UCK1: variants seen among roughly 807,000 people sequenced by gnomAD.
UCK1 encodes cytidine monophosphokinase 1.
UCK1 carries 20 observed loss-of-function variants against 34.0 expected under a neutral mutation model. The observed-to-expected ratio is 0.59, with a 90% confidence interval of 0.41 to 0.86. The LOEUF (loss-of-function observed/expected upper bound fraction) is 0.86. Among genes scored for constraint, UCK1 ranks in the 40% least tolerant of loss-of-function variants. The pLI is 0.00. For synonymous variants in UCK1, 168 were observed against 155.9 expected (o/e 1.08, Z -0.58); for missense variants, 343 against 383.6 (o/e 0.89, Z 0.88).
At chr9:131,525,374 G>A (rs1588527799) in intron 6 of UCK1, among the ~76,000 whole-genome samples, 153 bp from the exon 7 acceptor site, 1 of 152,386 alleles carries the variant, frequency 6.6e-6, no homozygotes, top group East Asian at 1.9e-4. Context: ...TCAGCAGACA[G>A]AAACATGCAT....
intron 1 of UCK1, 140 bp from the exon 2 acceptor site, chr9:131,530,785 T>A (rs375920531): frequency 1.2e-5 from 18 of 1,495,784 alleles, no homozygotes; most frequent in African/African-American, 1.1e-4. Context: ...GTGTGGATGG[T>A]CTCAGCGGAA....
intron 3 of UCK1, 68 bp from the exon 4 acceptor site, chr9:131,529,338 C>T: frequency 6.2e-7 from 1 of 1,607,514 alleles, no homozygotes; most frequent in South Asian, 1.1e-5. Flanking sequence ...ACACAGTCAG[C>T]TTCCATTGCA....
At chr9:131,526,693 G>T (rs866718779) in intron 5 of UCK1, among the ~76,000 whole-genome samples, 1 of 152,208 alleles carries the variant, frequency 6.6e-6, no homozygotes, top group Admixed American at 6.5e-5. Flanking sequence ...AACTTGGAAC[G>T]GTGCGTGCTG....
intron 6 of UCK1, among the ~76,000 whole-genome samples, chr9:131,525,553 A>G (rs1278739967): frequency 2.6e-5 from 4 of 152,180 alleles, no homozygotes; most frequent in Admixed American, 1.3e-4. Flanking sequence ...ATCACAGCTC[A>G]CTGCAGCCTC....
At chr9:131,530,425 C>T (rs1227453879) in intron 2 of UCK1, 61 bp downstream of exon 2, 21 of 1,597,794 alleles carry the variant, frequency 1.3e-5, no homozygotes, top group East Asian at 2.2e-5. Context: ...CCAAGCGCAG[C>T]TGGTTAGCGG....
At chr9:131,529,892 T>C (rs1277015124) in intron 2 of UCK1, among the ~76,000 whole-genome samples, 3 of 152,240 alleles carry the variant, frequency 2.0e-5, no homozygotes, top group Non-Finnish European at 4.4e-5. Context: ...GCTGGGCCTC[T>C]GCTTCTCTCT....
intron 5 of UCK1, chr9:131,526,191 AAAAG>A: frequency 3.0e-6 from 2 of 676,946 alleles, no homozygotes; most frequent in Non-Finnish European, 5.0e-6. Flanking sequence ...TGAGGCAGCC[AAAAG>A]AAAGTGCCTC....
In UCK1 at chr9:131,530,515, A is replaced by G. The variant is rs1337223364; in HGVS notation, c.239T>C (p.Leu80Ser). 26 of 1,614,200 alleles carry G rather than the reference A, an allele frequency of 1.6e-5. No homozygotes were observed. The highest frequency in any genetic ancestry group is 2.2e-5 in the Non-Finnish European group (26 of 1,180,022). Residue 80 changes from leucine (L) to serine (S), a missense_variant, in exon 2 of 7, where the codon TTG becomes TCG. Leu to Ser is a moderately radical substitution (Grantham distance 145). Coordinates refer to ENST00000372215, the MANE Select transcript of UCK1 (RefSeq NM_031432.5). ...VLTAEQKAKA[L>S]KGQYNFDHPD... Reference sequence around the variant, plus strand: ...ATGGTCAAAATTGTACTGTCCTTTCAAGGCCTTGGCCTTCTGCTCTGCCGT... The same window carrying G: ...ATGGTCAAAATTGTACTGTCCTTTCGAGGCCTTGGCCTTCTGCTCTGCCGT...
In UCK1 at chr9:131,531,187, T is replaced by TCCCGCGCATCGGGTCCCCGCGCCCGCC; in HGVS notation, c.-40_-14dup. The TCCCGCGCATCGGGTCCCCGCGCCCGCC allele has an allele frequency of 7.2e-7, 1 of 1,390,404 alleles. No homozygotes were observed. The highest frequency in any genetic ancestry group is 9.3e-7 in the Non-Finnish European group (1 of 1,074,420). The allele number at this position is 1,390,404 out of a possible 1,614,324, so 86.1% of individuals were successfully genotyped here. On this transcript the variant is annotated 5_prime_UTR_variant, in exon 1 of 7. It adds an upstream start codon to the 5' untranslated region. Coordinates refer to ENST00000372215, the MANE Select transcript of UCK1 (RefSeq NM_031432.5). ...CCGCCGAAGCCATCTCGGCCTCCGC[T>TCCCGCGCATCGGGTCCCCGCGCCCGCC]CCCGCGCATCGGGTCCCCGCGCCCG...
chr9:131,529,897 C>T (rs1020753724), intron 2 of UCK1, among the ~76,000 whole-genome samples: 1 of 152,228 alleles, frequency 6.6e-6, no homozygotes, highest in Non-Finnish European at 1.5e-5. Flanking sequence ...GCCTCTGCTT[C>T]TCTCTCTTTC....
At chr9:131,528,342 G>A (rs1158030286) in intron 5 of UCK1, among the ~76,000 whole-genome samples, 1 of 152,196 alleles carries the variant, frequency 6.6e-6, no homozygotes, top group Non-Finnish European at 1.5e-5. Flanking sequence ...AGAAACACAA[G>A]ATGGAGAAAT....
chr9:131,531,143 C>T lies in UCK1; in HGVS notation c.32G>A (p.Ser11Asn), dbSNP rs1950828538. ...CGGACGGTCGGCCTCCGGCGCGGGG[C>T]TCTCGCAGTCTTCGCCTCCCGCCGA... MASAGGEDCE[S>N]PAPEADRPHQ... The change falls in exon 1 of 7, where the codon AGC becomes AAC. Residue 11 changes from serine (S) to asparagine (N), a missense_variant. Ser to Asn is a conservative substitution (Grantham distance 46). Transcript: ENST00000372215. The T allele has an allele frequency of 2.8e-6, 4 of 1,445,598 alleles. No homozygotes were observed. The highest frequency in any genetic ancestry group is 2.4e-4 in the Middle Eastern group (1 of 4,108). 89.5% of individuals were successfully genotyped at this position (1,445,598 alleles called of 1,614,324 possible).
intron 5 of UCK1, among the ~76,000 whole-genome samples, chr9:131,527,048 T>C (rs1054865087): frequency 6.7e-6 from 1 of 150,280 alleles, no homozygotes; most frequent in Admixed American, 6.7e-5. Flanking sequence ...CCGGGTGCGG[T>C]GGCTCACGCC....
At chr9:131,529,888 C>T (rs1011663959) in intron 2 of UCK1, among the ~76,000 whole-genome samples, 1 of 152,218 alleles carries the variant, frequency 6.6e-6, no homozygotes, top group African/African-American at 2.4e-5. Flanking sequence ...GTAGGCTGGG[C>T]CTCTGCTTCT....
Position 131,531,192 on chromosome 9 carries a change from C to A in UCK1, c.-18G>T. On this transcript the variant is annotated 5_prime_UTR_variant, in exon 1 of 7. Transcript: ENST00000372215. ...GAAGCCATCTCGGCCTCCGCTCCCG[C>A]GCATCGGGTCCCCGCGCCCGCCCCT... The A allele has an allele frequency of 7.2e-7, 1 of 1,384,096 alleles. No individual in the cohort carries two copies. The highest frequency in any genetic ancestry group is 3.2e-5 in the Admixed American group (1 of 31,034). 85.7% of individuals were successfully genotyped at this position (1,384,096 alleles called of 1,614,324 possible). A position where few individuals can be genotyped will look rare whatever the true frequency, so the allele number is the denominator to read the frequency against.
chr9:131,526,426 G>A, intron 5 of UCK1: 1 of 1,292,622 alleles, frequency 7.7e-7, no homozygotes, highest in East Asian at 5.5e-5. Context: ...TGCAGGCAGA[G>A]ACGCTGATGG....
rs1311915418 is a variant in UCK1, at chr9:131,530,661, C to T, written c.109-16G>A. On this transcript the variant is annotated splice_polypyrimidine_tract_variant and intron_variant, in intron 1 of 6. Coordinates refer to ENST00000372215, the MANE Select transcript of UCK1 (RefSeq NM_031432.5). ...ACACGGTCGACTGGAGACACAGAAG[C>T]GGGATTCCCGCCTGGAACCGCTCGT... The T allele has an allele frequency of 1.9e-6, 3 of 1,614,210 alleles. No individual in the cohort carries two copies. The highest frequency in any genetic ancestry group is 1.7e-6 in the Non-Finnish European group (2 of 1,180,044).
chr9:131,527,903 C>T (rs1204974731), intron 5 of UCK1, among the ~76,000 whole-genome samples: 1 of 152,118 alleles, frequency 6.6e-6, no homozygotes, highest in Non-Finnish European at 1.5e-5. Context: ...AAAAAAAGGC[C>T]AGGCACAGTG....
At chr9:131,527,146 C>T (rs930395668) in intron 5 of UCK1, among the ~76,000 whole-genome samples, 5 of 129,078 alleles carry the variant, frequency 3.9e-5, no homozygotes, top group East Asian at 2.3e-4. Flanking sequence ...GGCAAAACCC[C>T]GTCTGTGCAA....
Sources: allele counts gnomAD v4.1 joint callset (sites outside exome capture counted in the v4.1 genomes callset), GRCh38; gene constraint gnomAD v4.1.1; transcripts MANE v1.5; gene names NCBI Gene and HGNC (gene_info 2026-07-23, HGNC 2026-07-21).